MYO1H: variants seen among roughly 807,000 people sequenced by gnomAD.
MYO1H encodes unconventional myosin-Ih.
A neutral mutation model predicts 149.3 loss-of-function variants in MYO1H; 118 were observed. That is an observed-to-expected ratio of 0.79 (90% CI 0.68 to 0.92). The LOEUF is 0.92. Ranked by LOEUF, MYO1H falls within the 40% of genes least tolerant of loss-of-function variation. The pLI is 0.00. For missense variants in MYO1H, 1,212 were observed against 1,280.7 expected (o/e 0.95, Z 0.82); for synonymous variants, 447 against 465.2 (o/e 0.96, Z 0.50).
chr12:109,419,327 A>G (rs975551137), intron 15 of MYO1H, among the ~76,000 whole-genome samples: 5 of 152,000 alleles, frequency 3.3e-5, no homozygotes, highest in African/African-American at 1.2e-4. Flanking sequence ...GGCATCGTGG[A>G]TAAGGAAATC....
intron 1 of MYO1H, among the ~76,000 whole-genome samples, chr12:109,353,756 C>T (rs531549374): frequency 1.3e-5 from 2 of 152,144 alleles, no homozygotes; most frequent in Admixed American, 1.3e-4. Context: ...GGTTCAAGTG[C>T]TTCTCCTGCC....
intron 24 of MYO1H, 118 bp downstream of exon 24, chr12:109,439,908 C>G (rs1872041490): frequency 3.4e-6 from 3 of 889,524 alleles, no homozygotes; most frequent in Admixed American, 2.6e-5. Context: ...TGGCAAAGCC[C>G]TTCTTCCCAA....
At chr12:109,311,063 G>A in the MYO1H span, among the ~76,000 whole-genome samples, 2 of 152,222 alleles carry the variant, frequency 1.3e-5, no homozygotes, top group South Asian at 2.1e-4. Context: ...GTAAGGAAAC[G>A]TGGGTGACTT....
intron 17 of MYO1H, among the ~76,000 whole-genome samples, chr12:109,425,195 G>A (rs984095876): frequency 3.3e-5 from 5 of 152,190 alleles, no homozygotes; most frequent in African/African-American, 1.2e-4. Flanking sequence ...TTAGCCAGGT[G>A]CAGTGGTGTG....
chr12:109,321,285 G>A, the MYO1H span, among the ~76,000 whole-genome samples: 4 of 152,144 alleles, frequency 2.6e-5, no homozygotes, highest in Non-Finnish European at 4.4e-5. Flanking sequence ...AGGCATGGTG[G>A]CTCACGCCTG....
intron 27 of MYO1H, among the ~76,000 whole-genome samples, chr12:109,443,040 G>GTGTGTGTATATGTGTACGTA (rs1872237134): frequency 7.0e-5 from 3 of 42,732 alleles, no homozygotes; most frequent in East Asian, 6.5e-4. Flanking sequence ...GTGTGTGTGT[G>GTGTGTGTATATGTGTACGTA]TGTGTGTATA....
chr12:109,367,539 GTATTTATT>G lies in MYO1H; in HGVS notation c.12+19582_12+19589del, dbSNP rs547332101. Among the ~76,000 whole-genome samples, 6 of 151,914 alleles carry G rather than the reference GTATTTATT, an allele frequency of 3.9e-5. No individual in the cohort carries two copies. The East Asian group carries it at 9.7e-4, about 25-fold the overall frequency. On this transcript the variant is annotated intron_variant, in intron 1 of 31. Transcript: ENST00000310903. ...TCTTTTATATTTATTTATTATTCAT[GTATTTATT>G]TATTTATTTATTTACTTATTTCGAG...
intron 1 of MYO1H, among the ~76,000 whole-genome samples, chr12:109,383,173 A>G (rs933099387): frequency 6.6e-6 from 1 of 152,186 alleles, no homozygotes; most frequent in Admixed American, 6.5e-5. Flanking sequence ...TTACATATTA[A>G]GGTTTCTTAT....
At chr12:109,358,846 TAAAAAAAAA>T (rs541289093) in intron 1 of MYO1H, among the ~76,000 whole-genome samples, 63 of 84,534 alleles carry the variant, frequency 7.5e-4, no homozygotes, top group African/African-American at 2.5e-3. Context: ...CCTGTGGTGT[TAAAAAAAAA>T]AAAAAAAAAA....
chr12:109,384,039 T>C (rs1031584726), intron 1 of MYO1H, among the ~76,000 whole-genome samples: 3 of 152,192 alleles, frequency 2.0e-5, no homozygotes, highest in African/African-American at 4.8e-5. Context: ...CAAGGGTAAA[T>C]TGTACGACAG....
chr12:109,440,576 T>C (rs1872074443), intron 24 of MYO1H, 168 bp from the exon 25 acceptor site: 1 of 586,280 alleles, frequency 1.7e-6, no homozygotes, highest in Non-Finnish European at 3.1e-6. Context: ...CAGCAAAAAG[T>C]TGGGAGAGGA....
At chr12:109,397,843 G>T in intron 5 of MYO1H, 31 bp downstream of exon 5, 1 of 1,534,774 alleles carries the variant, frequency 6.5e-7, no homozygotes, top group South Asian at 1.2e-5. Flanking sequence ...CTGGTTCATG[G>T]GGACCCCTTA....
At chr12:109,381,164 A>G (rs922707129) in intron 1 of MYO1H, among the ~76,000 whole-genome samples, 2 of 152,224 alleles carry the variant, frequency 1.3e-5, no homozygotes, top group African/African-American at 4.8e-5. Flanking sequence ...GAAAAGACAG[A>G]TTCAAGGTCT....
chr12:109,356,350 T>G (rs1201587818), intron 1 of MYO1H, among the ~76,000 whole-genome samples: 2 of 152,018 alleles, frequency 1.3e-5, no homozygotes, highest in African/African-American at 4.8e-5. Flanking sequence ...ACCAGGAGGA[T>G]TCTCCTTAAG....
chr12:109,358,720 G>A (rs1592778694), intron 1 of MYO1H, among the ~76,000 whole-genome samples: 1 of 151,576 alleles, frequency 6.6e-6, no homozygotes, highest in Admixed American at 6.6e-5. Context: ...GAGTAAAAGC[G>A]ATACCATGAG....
intron 20 of MYO1H, among the ~76,000 whole-genome samples, chr12:109,434,587 T>C (rs1407293159): frequency 6.6e-6 from 1 of 152,222 alleles, no homozygotes; most frequent in Non-Finnish European, 1.5e-5. Context: ...TCAGGTTACG[T>C]TGGTTTATTC....
At chr12:109,416,871 G>C (rs1330812450) in intron 15 of MYO1H, among the ~76,000 whole-genome samples, 2 of 152,178 alleles carry the variant, frequency 1.3e-5, no homozygotes, top group African/African-American at 4.8e-5. Flanking sequence ...GCCGGGCGTG[G>C]TGGCACATGC....
At chr12:109,327,751 A>AAAAG in the MYO1H span, among the ~76,000 whole-genome samples, 1 of 150,952 alleles carries the variant, frequency 6.6e-6, no homozygotes, top group Non-Finnish European at 1.5e-5. Flanking sequence ...AAAAAAAAAA[A>AAAAG]AAAAAAGAAA....
At chr12:109,409,283 A>G (rs1013383451) in intron 10 of MYO1H, among the ~76,000 whole-genome samples, 3 of 58,742 alleles carry the variant, frequency 5.1e-5, no homozygotes, top group Non-Finnish European at 8.4e-5. Context: ...TTGATTGTAC[A>G]TGGGCTTGGG....
Sources: gnomAD v4.1 joint callset for allele counts (sites outside exome capture counted in the v4.1 genomes callset) on GRCh38, gnomAD v4.1.1 for gene constraint, MANE v1.5 for transcripts, NCBI Gene and HGNC (gene_info 2026-07-23, HGNC 2026-07-21) for gene names.